Variants in TEX11 observed in about 807,000 individuals in gnomAD.
TEX11 encodes the protein testis-expressed protein 11.
In TEX11, 7 loss-of-function variants were observed where a neutral mutation model predicts 84.4. The ratio of observed to expected loss-of-function variants is 0.08; its 90% CI spans 0.05 to 0.16. The LOEUF (loss-of-function observed/expected upper bound fraction) is 0.16, where lower values mean the gene tolerates loss of function less well. Among genes scored for constraint, TEX11 ranks in the 10% least tolerant of loss-of-function variants. TEX11 has a pLI of 1.00. For synonymous variants in TEX11, 264 were observed against 222.8 expected, an observed-to-expected ratio of 1.18 and a Z score of -1.64; for missense variants, 551 against 660.5, an observed-to-expected ratio of 0.83 and a Z score of 1.82.
the TEX11 span, among the ~76,000 whole-genome samples, chrX:70,511,427 A>T: frequency 1.6e-3 from 183 of 111,963 alleles, no homozygotes; most frequent in Non-Finnish European, 2.6e-3. Flanking sequence ...CAAACTGATA[A>T]GTGCTGTTAA....
In TEX11 at chrX:70,865,929, C is replaced by T. The variant is rs145092187; in HGVS notation, c.245-4993G>A. Among the ~76,000 whole-genome samples the T allele has an allele frequency of 7.9e-4, 88 of 111,499 alleles. 1 individual carries two copies. The highest frequency in any genetic ancestry group is 1.7e-3 in the East Asian group (6 of 3,558). ...AATTTACAGCACTAAATGCCCACAT[C>T]GGAAAGCTGGAAAGATCTGAAATCA... On this transcript the variant is annotated intron_variant, in intron 4 of 29. Coordinates refer to ENST00000374333, the MANE Select transcript of TEX11 (RefSeq NM_031276.3).
chrX:70,608,285 A>T (rs1009138731), intron 22 of TEX11, among the ~76,000 whole-genome samples: 3 of 112,123 alleles, frequency 2.7e-5, no homozygotes, highest in Non-Finnish European at 5.6e-5. Flanking sequence ...CCTGACTTAT[A>T]ACACCATATA....
intron 18 of TEX11, among the ~76,000 whole-genome samples, chrX:70,628,194 C>T (rs1188774354): frequency 9.4e-6 from 1 of 106,300 alleles, no homozygotes; most frequent in Non-Finnish European, 1.9e-5. Context: ...TACGCCACTG[C>T]ACTCCAGCCT....
intron 9 of TEX11, among the ~76,000 whole-genome samples, chrX:70,758,706 G>A (rs1423344165): frequency 9.0e-6 from 1 of 111,694 alleles, no homozygotes; most frequent in Admixed American, 9.5e-5. Flanking sequence ...ACAATTGAAA[G>A]AACTAGAGAA....
intron 25 of TEX11, among the ~76,000 whole-genome samples, chrX:70,567,301 C>T (rs982661470): frequency 9.0e-6 from 1 of 111,053 alleles, no homozygotes; most frequent in African/African-American, 3.3e-5. Flanking sequence ...CTCTTTTCTT[C>T]CTTATTAGTC....
At chrX:70,633,938 C>CAAACA (rs1445391421) in intron 17 of TEX11, among the ~76,000 whole-genome samples, 1 of 111,085 alleles carries the variant, frequency 9.0e-6, no homozygotes, top group Non-Finnish European at 1.9e-5. Flanking sequence ...CATAAACAAA[C>CAAACA]AAACAAAACA....
intron 11 of TEX11, among the ~76,000 whole-genome samples, chrX:70,726,376 G>A (rs970554403): frequency 1.1e-4 from 12 of 111,357 alleles, no homozygotes; most frequent in South Asian, 3.8e-4. Context: ...CATTTGCACC[G>A]TATATTGTCC....
At chrX:70,681,061 A>ATT (rs1321565159) in intron 14 of TEX11, among the ~76,000 whole-genome samples, 3 of 113,001 alleles carry the variant, frequency 2.7e-5, no homozygotes, top group African/African-American at 9.6e-5. Context: ...TGGTCTAGAC[A>ATT]TTTACAGAGT....
At chrX:70,687,887 AAAGG>A (rs200150715) in intron 13 of TEX11, among the ~76,000 whole-genome samples, 9,805 of 108,129 alleles carry the variant, frequency 0.091, 613 homozygotes, top group Admixed American at 0.24. Context: ...AAAAGAAAGA[AAAGG>A]AAGGAAGGAA....
intron 17 of TEX11, among the ~76,000 whole-genome samples, chrX:70,643,197 G>A (rs1301819884): frequency 1.0e-4 from 10 of 100,478 alleles, no homozygotes; most frequent in Non-Finnish European, 2.0e-4. Context: ...AAAATACCTA[G>A]GAATCCAACT....
At chrX:70,548,676 G>A (rs2147943167) in intron 28 of TEX11, among the ~76,000 whole-genome samples, 1 of 111,703 alleles carries the variant, frequency 9.0e-6, no homozygotes, top group Admixed American at 9.5e-5. Context: ...GTAACACTGG[G>A]CAGAACTCAA....
chrX:70,749,337 T>C (rs755879514), intron 9 of TEX11, among the ~76,000 whole-genome samples: 2 of 109,354 alleles, frequency 1.8e-5, no homozygotes, highest in African/African-American at 6.7e-5. Context: ...ACGATGGGGT[T>C]TTCTAGATAT....
At chrX:70,802,032 A>T (rs987304370) in intron 9 of TEX11, among the ~76,000 whole-genome samples, 1 of 111,869 alleles carries the variant, frequency 8.9e-6, no homozygotes, top group Non-Finnish European at 1.9e-5. Context: ...ATGGACATAC[A>T]CCACACCACC....
intron 8 of TEX11, among the ~76,000 whole-genome samples, chrX:70,815,166 T>G (rs1344328589): frequency 8.9e-6 from 1 of 112,354 alleles, no homozygotes; most frequent in Admixed American, 9.5e-5. Flanking sequence ...ACACAGATCA[T>G]GAGCATTGTC....
At chrX:70,755,586 AAG>A (rs2090861503) in intron 9 of TEX11, among the ~76,000 whole-genome samples, 1 of 112,211 alleles carries the variant, frequency 8.9e-6, no homozygotes, top group Non-Finnish European at 1.9e-5. Flanking sequence ...GAAGCAGAGA[AAG>A]AGATAAGATT....
chrX:70,527,523 G>T (rs751244772), downstream of TEX11, among the ~76,000 whole-genome samples: 4 of 112,261 alleles, frequency 3.6e-5, no homozygotes, highest in East Asian at 1.1e-3. Context: ...GATAAGGAAA[G>T]ATTGAGGAAT....
At chrX:70,515,275 C>T in the TEX11 span, among the ~76,000 whole-genome samples, 45 of 107,639 alleles carry the variant, frequency 4.2e-4, no homozygotes, top group Admixed American at 2.7e-3. Context: ...TCCACCCCCC[C>T]CCACCCCACA....
chrX:70,671,910 T>TATATATATATATAC (rs57166359), intron 15 of TEX11, among the ~76,000 whole-genome samples: 204 of 67,907 alleles, frequency 3.0e-3, no homozygotes, highest in Non-Finnish European at 3.3e-3. Flanking sequence ...TATATATATA[T>TATATATATATATAC]ACACACACAC....
In TEX11 at chrX:70,873,292, C is replaced by A; in HGVS notation, c.175G>T (p.Val59Leu). The part of the protein sequence containing the change: ...ITDIQIEEMA[V>L]NLWNWALTIG... ...GTAAGTGCCCAGTTCCATAGGTTTA[C>A]TGCCATTTCTTCAATCTGGTCAAAG... Residue 59 changes from valine (V) to leucine (L), a missense_variant, in exon 4 of 30, where the codon GTA (valine) becomes TTA (leucine). Coordinates refer to ENST00000374333, the MANE Select transcript of TEX11 (RefSeq NM_031276.3). The A allele has an allele frequency of 4.2e-6, 5 of 1,192,284 alleles. No individual in the cohort carries two copies. Among genetic ancestry groups the A allele is most frequent in the Non-Finnish European group, 5.7e-6 (5 of 878,197 alleles).
Sources: allele counts gnomAD v4.1 joint callset (sites outside exome capture counted in the v4.1 genomes callset), GRCh38; gene constraint gnomAD v4.1.1; transcripts MANE v1.5; gene names NCBI Gene and HGNC (gene_info 2026-07-23, HGNC 2026-07-21).